Variants in NCALD observed in about 807,000 individuals in gnomAD.
NCALD encodes the protein neurocalcin-delta.
NCALD carries 10 observed loss-of-function variants against 18.6 expected under a neutral mutation model. That is an observed-to-expected ratio of 0.54 (90% CI 0.33 to 0.91). The LOEUF is 0.91. NCALD is among the 40% of genes least tolerant of loss of function. NCALD has a pLI of 0.03. For missense variants in NCALD, 184 were observed against 247.6 expected, an observed-to-expected ratio of 0.74 and a Z score of 1.72; for synonymous variants, 88 against 87.4, an observed-to-expected ratio of 1.01 and a Z score of -0.04.
At chr8:101,854,960 C>T (rs1208435327) in intron 4 of NCALD, among the ~76,000 whole-genome samples, 2 of 151,948 alleles carry the variant, frequency 1.3e-5, no homozygotes, top group Non-Finnish European at 1.5e-5. Flanking sequence ...ACTGGCATGC[C>T]CACACAAATA....
intron 4 of NCALD, among the ~76,000 whole-genome samples, chr8:101,822,568 C>A (rs1813764879): frequency 6.6e-6 from 1 of 152,194 alleles, no homozygotes; most frequent in African/African-American, 2.4e-5. Flanking sequence ...CTTCTCTTTG[C>A]TCCAGCTACG....
At position 101,835,699 on chromosome 8, in the gene NCALD, T is replaced by TGTGTGTGTGA. The variant is rs1814383009; in HGVS notation, c.-20+51432_-20+51441dup. The stretch of plus-strand genomic sequence containing the variant: ...AACTTGCTCATATGGTATACCTAGC[T>TGTGTGTGTGA]GTGTGTGTGAGTGTGTGTGCATGCG... On this transcript the variant is annotated intron_variant, in intron 4 of 6. Coordinates refer to the NCALD transcript ENST00000311028. 2.6e-5 allele frequency among the ~76,000 whole-genome samples: 4 copies of TGTGTGTGTGA among 152,048 alleles called. 1 individual carries two copies. The South Asian group carries it at 8.3e-4, about 32-fold the overall frequency.
intron 1 of NCALD, among the ~76,000 whole-genome samples, chr8:102,020,901 G>A (rs1822250039): frequency 6.6e-6 from 1 of 151,988 alleles, no homozygotes; most frequent in Admixed American, 6.6e-5. Flanking sequence ...CCAGCTCCCA[G>A]CGTTCATACA....
chr8:101,835,765 T>C (rs1814387408), intron 4 of NCALD, among the ~76,000 whole-genome samples: 1 of 152,062 alleles, frequency 6.6e-6, no homozygotes, highest in African/African-American at 2.4e-5. Context: ...AAGGGGAAGA[T>C]AGGGGTGGTC....
At chr8:101,944,886 T>C (rs776223822) in intron 2 of NCALD, among the ~76,000 whole-genome samples, 1 of 152,238 alleles carries the variant, frequency 6.6e-6, no homozygotes, top group Non-Finnish European at 1.5e-5. Flanking sequence ...TCTTCTGCTC[T>C]TGCCCACACC....
intron 1 of NCALD, among the ~76,000 whole-genome samples, chr8:101,755,135 C>T (rs1314714257): frequency 6.6e-6 from 1 of 152,094 alleles, no homozygotes; most frequent in Non-Finnish European, 1.5e-5. Context: ...TGAGGTGGCA[C>T]CATCTTATTT....
upstream of NCALD, among the ~76,000 whole-genome samples, chr8:101,793,859 C>A (rs1397346931): frequency 6.6e-6 from 1 of 152,146 alleles, no homozygotes; most frequent in Non-Finnish European, 1.5e-5. Context: ...CTGGTAAATG[C>A]CACTAAACAA....
At chr8:101,849,732 GC>G (rs1815015039) in intron 4 of NCALD, among the ~76,000 whole-genome samples, 1 of 152,092 alleles carries the variant, frequency 6.6e-6, no homozygotes, top group South Asian at 2.1e-4. Context: ...CCATAAATCT[GC>G]CCTGAACAGA....
At chr8:101,728,314 A>G (rs2130546766) in intron 1 of NCALD, among the ~76,000 whole-genome samples, 1 of 152,296 alleles carries the variant, frequency 6.6e-6, no homozygotes, top group African/African-American at 2.4e-5. Flanking sequence ...AAGCTCCATG[A>G]CTTAATTCCT....
At chr8:101,755,400 T>C (rs1489863364) in intron 1 of NCALD, among the ~76,000 whole-genome samples, 2 of 152,154 alleles carry the variant, frequency 1.3e-5, no homozygotes, top group African/African-American at 4.8e-5. Flanking sequence ...GTTTCAGATA[T>C]GCTCTGTCAA....
chr8:101,806,339 G>GA lies in NCALD; in HGVS notation c.-20+80801dup, dbSNP rs566975936. Among the ~76,000 whole-genome samples the GA allele has an allele frequency of 1.0e-3, 154 of 152,008 alleles. 1 individual carries two copies. Among genetic ancestry groups the GA allele is most frequent in the African/African-American group, 3.5e-3 (146 of 41,498 alleles). On this transcript the variant is annotated intron_variant, in intron 4 of 6. Coordinates refer to the NCALD transcript ENST00000311028. ...AAAGGAAAATGTAACTCATACACGG[G>GA]AAAAAAAGCAGAGAAAGAAACTATC... is the stretch of plus-strand genomic sequence containing the variant.
At chr8:101,844,000 T>A (rs943093895) in intron 4 of NCALD, among the ~76,000 whole-genome samples, 2 of 152,244 alleles carry the variant, frequency 1.3e-5, no homozygotes, top group African/African-American at 2.4e-5. Flanking sequence ...ATGTTAACAT[T>A]TGCCATACTG....
chr8:101,704,638 C>T (rs1005517687), intron 2 of NCALD, among the ~76,000 whole-genome samples: 4 of 152,116 alleles, frequency 2.6e-5, no homozygotes, highest in South Asian at 2.1e-4. Context: ...GAATGGGGGC[C>T]GGGCGCGGTG....
intron 3 of NCALD, among the ~76,000 whole-genome samples, chr8:101,908,960 C>T (rs1817699869): frequency 1.3e-5 from 2 of 152,090 alleles, no homozygotes; most frequent in South Asian, 4.2e-4. Flanking sequence ...GCCAGTTTTC[C>T]AAAAATCAAG....
chr8:101,974,770 A>C (rs1820362271), intron 2 of NCALD, among the ~76,000 whole-genome samples: 1 of 152,198 alleles, frequency 6.6e-6, no homozygotes, highest in Non-Finnish European at 1.5e-5. Context: ...CTATTCTAGA[A>C]ATTATACATA....
intron 2 of NCALD, among the ~76,000 whole-genome samples, chr8:101,977,584 ACT>A (rs1423521145): frequency 1.3e-5 from 2 of 152,116 alleles, no homozygotes; most frequent in Non-Finnish European, 2.9e-5. Flanking sequence ...TCCTGCTCTT[ACT>A]CTGTTTCAAG....
intron 2 of NCALD, among the ~76,000 whole-genome samples, chr8:102,001,093 G>C (rs201806309): frequency 2.2e-4 from 34 of 152,216 alleles, no homozygotes; most frequent in Non-Finnish European, 4.3e-4. Context: ...AAAGGAGGAA[G>C]TTTGAACCCA....
intron 4 of NCALD, chr8:101,887,062 C>T (rs1234005069): frequency 2.0e-5 from 3 of 152,128 alleles, no homozygotes; most frequent in African/African-American, 7.2e-5. Context: ...ACACACAAAC[C>T]TACCTAGGAT....
rs149689221 is a variant in NCALD, at chr8:101,780,539, A to G, written c.-20+10323T>C. 3.9e-4 allele frequency among the ~76,000 whole-genome samples: 60 copies of G among 152,296 alleles called. No individual in the cohort carries two copies. The East Asian group carries it at 0.011, about 28-fold the overall frequency. ...CAAAATGTCCCTGTTTAAAAACAGA[A>G]GAACAGTGGTTGGCAGGGGCTGATG... On this transcript the variant is annotated intron_variant, in intron 1 of 3. Transcript: ENST00000220931.
Sources: gnomAD v4.1 joint callset for allele counts (sites outside exome capture counted in the v4.1 genomes callset) on GRCh38, gnomAD v4.1.1 for gene constraint, MANE v1.5 for transcripts, NCBI Gene and HGNC (gene_info 2026-07-23, HGNC 2026-07-21) for gene names.